Variants in TRAPPC12 observed in about 807,000 individuals in gnomAD.
TRAPPC12 encodes the protein trafficking protein particle complex subunit 12.
TRAPPC12 carries 61 observed loss-of-function variants against 69.2 expected under a neutral mutation model. The ratio of observed to expected loss-of-function variants is 0.88; its 90% CI spans 0.72 to 1.09. TRAPPC12 has a LOEUF of 1.09. TRAPPC12 is among the 50% of genes least tolerant of loss of function. The pLI, the probability that TRAPPC12 is intolerant of heterozygous loss-of-function variation, is 0.00. For synonymous variants in TRAPPC12, 469 were observed against 438.9 expected (o/e 1.07, Z -0.86); for missense variants, 1,101 against 1,016.4 (o/e 1.08, Z -1.13).
intron 9 of TRAPPC12, among the ~76,000 whole-genome samples, chr2:3,470,794 G>T (rs1026325202): frequency 4.6e-5 from 7 of 152,030 alleles, no homozygotes; most frequent in African/African-American, 1.7e-4. Context: ...CTAAAGAGTG[G>T]AAATAGAAAA....
chr2:3,418,918 A>G (rs1413873187), intron 3 of TRAPPC12, among the ~76,000 whole-genome samples: 4 of 151,818 alleles, frequency 2.6e-5, no homozygotes, highest in Admixed American at 2.6e-4. Context: ...GTGCCACCCC[A>G]TCCTCACCTG....
rs117935620 is a variant in TRAPPC12, at chr2:3,412,185, C to T, written c.1165-9696C>T. ...AAATTAAAAAGCAATGCATTAGATG[C>T]GGCCACTGCCCCAAGGAGCTAAAGG... On this transcript the variant is annotated intron_variant, in intron 3 of 11. Coordinates refer to ENST00000324266, the MANE Select transcript of TRAPPC12 (RefSeq NM_016030.6). Among the ~76,000 whole-genome samples, 2,653 of 152,240 alleles carry T rather than the reference C, an allele frequency of 0.017. 116 individuals are homozygous for T. In the East Asian group the frequency reaches 0.18, roughly 10 times the overall value.
intron 1 of TRAPPC12, among the ~76,000 whole-genome samples, chr2:3,382,287 A>G (rs1316459790): frequency 6.6e-6 from 1 of 151,994 alleles, no homozygotes; most frequent in Non-Finnish European, 1.5e-5. Flanking sequence ...GGCGCCCGCC[A>G]CCATGCCTGG....
intron 1 of TRAPPC12, among the ~76,000 whole-genome samples, chr2:3,380,514 C>G (rs1471119961): frequency 2.0e-5 from 3 of 152,132 alleles, no homozygotes; most frequent in Non-Finnish European, 4.4e-5. Context: ...AACAGTGTAG[C>G]CCCAAGGAAA....
intron 2 of TRAPPC12, among the ~76,000 whole-genome samples, chr2:3,394,349 A>C (rs1229051841): frequency 6.6e-6 from 1 of 152,214 alleles, no homozygotes; most frequent in Non-Finnish European, 1.5e-5. Flanking sequence ...AGGGCCGGGC[A>C]TGGTGGCTCA....
intron 1 of TRAPPC12, among the ~76,000 whole-genome samples, chr2:3,385,909 G>A (rs1660468347): frequency 6.6e-6 from 1 of 152,224 alleles, no homozygotes; most frequent in African/African-American, 2.4e-5. Context: ...CATGCACAGG[G>A]GGCTCCCCCT....
chr2:3,469,457 G>A (rs1665968382), intron 9 of TRAPPC12, among the ~76,000 whole-genome samples: 1 of 152,240 alleles, frequency 6.6e-6, no homozygotes, highest in South Asian at 2.1e-4. Flanking sequence ...ATCCGCAGTG[G>A]CTGCTATAAG....
At chr2:3,413,233 C>T (rs892177392) in intron 3 of TRAPPC12, among the ~76,000 whole-genome samples, 2 of 152,134 alleles carry the variant, frequency 1.3e-5, no homozygotes, top group African/African-American at 4.8e-5. Context: ...TGTACTGCTT[C>T]CATTTGTGAT....
At chr2:3,383,089 A>G (rs1351846539) in intron 1 of TRAPPC12, among the ~76,000 whole-genome samples, 7 of 152,138 alleles carry the variant, frequency 4.6e-5, no homozygotes, top group Non-Finnish European at 7.4e-5. Context: ...TGGATGTTCA[A>G]AGGTATACCT....
chr2:3,464,497 G>A (rs115589388), intron 8 of TRAPPC12, among the ~76,000 whole-genome samples: 5,917 of 151,584 alleles, frequency 0.039, 355 homozygotes, highest in African/African-American at 0.13. Context: ...GAAGAATAAA[G>A]AAATAAAAGT....
chr2:3,465,368 C>A (rs1665752645), intron 8 of TRAPPC12, among the ~76,000 whole-genome samples: 3 of 152,182 alleles, frequency 2.0e-5, no homozygotes, highest in Non-Finnish European at 4.4e-5. Context: ...CAGGCAGGAC[C>A]CCGCCGTTGC....
At chr2:3,383,933 T>C (rs1331513701) in intron 1 of TRAPPC12, among the ~76,000 whole-genome samples, 1 of 137,140 alleles carries the variant, frequency 7.3e-6, no homozygotes, top group African/African-American at 2.7e-5. Context: ...TTCGCTGCTG[T>C]TGCCCAGGCT....
intron 1 of TRAPPC12, among the ~76,000 whole-genome samples, chr2:3,383,818 A>G (rs1267502144): frequency 6.7e-6 from 1 of 148,620 alleles, no homozygotes; most frequent in African/African-American, 2.5e-5. Context: ...CTCAAGGAAA[A>G]TCGTCTCTTC....
intron 2 of TRAPPC12, among the ~76,000 whole-genome samples, chr2:3,394,835 A>G (rs867717300): frequency 3.1e-4 from 47 of 152,266 alleles, no homozygotes; most frequent in African/African-American, 1.1e-3. Flanking sequence ...AAATTATGTT[A>G]TAAATCGTAG....
At chr2:3,444,741 A>C (rs1664419007) in intron 6 of TRAPPC12, among the ~76,000 whole-genome samples, 1 of 152,216 alleles carries the variant, frequency 6.6e-6, no homozygotes, top group African/African-American at 2.4e-5. Flanking sequence ...TGATGGTGTT[A>C]ACAGTGTTCC....
At chr2:3,434,202 A>C (rs756757162) in intron 5 of TRAPPC12, among the ~76,000 whole-genome samples, 1 of 152,352 alleles carries the variant, frequency 6.6e-6, no homozygotes, top group Non-Finnish European at 1.5e-5. Flanking sequence ...GTGTGCACCC[A>C]GTGCAGGCCC....
At chr2:3,394,332 GA>G (rs1426560205) in intron 2 of TRAPPC12, among the ~76,000 whole-genome samples, 1 of 152,168 alleles carries the variant, frequency 6.6e-6, no homozygotes, top group Admixed American at 6.5e-5. Context: ...GTTACTAGAA[GA>G]AGGGGAGGGC....
chr2:3,414,690 C>T lies in TRAPPC12; in HGVS notation c.1165-7191C>T, dbSNP rs1431274146. ...GCTGTCAAGCGTGTCCATGCCGTGC[C>T]GCTTGTGCCTCTGCCCCGCGAGGGA... is the stretch of plus-strand genomic sequence containing the variant. On this transcript the variant is annotated intron_variant, in intron 3 of 11. Transcript: ENST00000324266. This position sits in a 1 kb window ranked among gnomAD's most constrained non-coding sequence, Gnocchi z 4.9. 2.6e-5 allele frequency among the ~76,000 whole-genome samples: 4 copies of T among 152,136 alleles called. No homozygotes were observed. The East Asian group carries it at 5.8e-4, about 22-fold the overall frequency.
intron 1 of TRAPPC12, among the ~76,000 whole-genome samples, chr2:3,386,007 A>G (rs1660473616): frequency 6.6e-6 from 1 of 152,242 alleles, no homozygotes; most frequent in Admixed American, 6.5e-5. Context: ...TGGATTTTTT[A>G]TTCATTTATA....
Sources: gnomAD v4.1 joint callset for allele counts (sites outside exome capture counted in the v4.1 genomes callset) on GRCh38, gnomAD v4.1.1 for gene constraint, Gnocchi (gnomAD v3.1) non-coding constraint, MANE v1.5 for transcripts, NCBI Gene and HGNC (gene_info 2026-07-23, HGNC 2026-07-21) for gene names.